KIF24: variants seen among roughly 807,000 people sequenced by gnomAD.
KIF24 encodes the protein kinesin family member 24, also known as kinesin-like protein KIF24.
KIF24 carries 81 observed loss-of-function variants against 118.9 expected under a neutral mutation model. The ratio of observed to expected loss-of-function variants is 0.68; its 90% CI spans 0.57 to 0.82. The LOEUF (loss-of-function observed/expected upper bound fraction) is 0.82, where lower values mean the gene tolerates loss of function less well. Ranked by LOEUF, KIF24 falls within the 40% of genes least tolerant of loss-of-function variation. The probability of loss-of-function intolerance (pLI) is 0.00; values close to 1 mark genes in which losing one functional copy is unlikely to be tolerated. For missense variants in KIF24, 1,560 were observed against 1,661.6 expected (o/e 0.94, Z 1.06); for synonymous variants, 599 against 610.0 (o/e 0.98, Z 0.27).
At chr9:34,321,672 T>A (rs1461528799) in intron 1 of KIF24, among the ~76,000 whole-genome samples, 6 of 140,516 alleles carry the variant, frequency 4.3e-5, no homozygotes, top group African/African-American at 1.5e-4. Flanking sequence ...AGTGGTGCAA[T>A]CACGGCTCAC....
At chr9:34,307,817 T>C (rs1005621054) in intron 2 of KIF24, among the ~76,000 whole-genome samples, 5 of 135,936 alleles carry the variant, frequency 3.7e-5, no homozygotes, top group Admixed American at 8.5e-5. Context: ...GGTGAGATAG[T>C]GCCATTGCAT....
chr9:34,290,043 G>T, intron 5 of KIF24, 131 bp downstream of exon 5: 1 of 578,730 alleles, frequency 1.7e-6, no homozygotes, highest in Non-Finnish European at 3.1e-6. Context: ...ATCTGATGCA[G>T]GAGCCTCATT....
chr9:34,311,128 G>A lies in KIF24; in HGVS notation c.219C>T (p.Ile73=), dbSNP rs1321580071. The A allele has an allele frequency of 1.2e-6, 2 of 1,613,728 alleles. No homozygotes were observed. The highest frequency in any genetic ancestry group is 1.7e-6 in the Non-Finnish European group (2 of 1,179,706). ...TGCTTGTCTGAAGATGACGCTCTGG[G>A]ATACTGACTGCTTTATCTTCTTCTT... ...IMQEEDKAVS[I]PERHLQTSSL... is the part of the protein sequence containing the mutation. The change falls in exon 2 of 13, where the codon ATC becomes ATT. Residue 73 remains isoleucine, a synonymous_variant. Coordinates refer to ENST00000402558, the MANE Select transcript of KIF24 (RefSeq NM_194313.4).
chr9:34,255,114 G>T lies in KIF24; in HGVS notation c.3924C>A (p.Leu1308=), dbSNP rs1419138095. ...HQEQLDEMAE[L]GFKEETLMSQ... is the part of the protein sequence containing the mutation. Reference sequence around the variant, plus strand: ...TCATCAGCGTCTCCTCCTTGAAGCCGAGCTCAGCCATTTCATCCAGCTGTT... The same window carrying T: ...TCATCAGCGTCTCCTCCTTGAAGCCTAGCTCAGCCATTTCATCCAGCTGTT... Residue 1308 remains leucine (L), a synonymous_variant, in exon 12 of 13, where the codon CTC becomes CTA. Coordinates refer to ENST00000402558, the MANE Select transcript of KIF24 (RefSeq NM_194313.4). The T allele has an allele frequency of 5.0e-6, 8 of 1,595,720 alleles. No homozygotes were observed. The highest frequency in any genetic ancestry group is 6.8e-6 in the Non-Finnish European group (8 of 1,170,980).
rs915292982 is a variant in KIF24, at chr9:34,280,958, C to T, written c.1215+5659G>A. ...TGAAGATTAAACAGTCCTTTAAACA[C>T]CTAGTTTTAGGCAAATGATAACAGA... On this transcript the variant is annotated intron_variant, in intron 6 of 12. Transcript: ENST00000402558. Among the ~76,000 whole-genome samples, 2 of 152,114 alleles carry T rather than the reference C, an allele frequency of 1.3e-5. 1 individual carries two copies. Among genetic ancestry groups the T allele is most frequent in the South Asian group, 4.1e-4 (2 of 4,830 alleles).
chr9:34,293,477 C>CAAAAA (rs35730248), intron 4 of KIF24, among the ~76,000 whole-genome samples: 1 of 122,032 alleles, frequency 8.2e-6, no homozygotes, highest in South Asian at 2.8e-4. Flanking sequence ...GACTCTATCT[C>CAAAAA]AAAAAAAAAA....
intron 3 of KIF24, among the ~76,000 whole-genome samples, chr9:34,302,039 G>A (rs1836732835): frequency 7.1e-6 from 1 of 140,450 alleles, no homozygotes; most frequent in African/African-American, 2.6e-5. Context: ...CTGTCGCCCA[G>A]GCTGGGGTGC....
chr9:34,324,788 A>G (rs1182682783), intron 1 of KIF24, among the ~76,000 whole-genome samples: 3 of 152,058 alleles, frequency 2.0e-5, no homozygotes, highest in Non-Finnish European at 4.4e-5. Context: ...TTCTCTGTGC[A>G]TTCATTCACA....
intron 1 of KIF24, chr9:34,319,544 C>T: frequency 8.7e-7 from 1 of 1,152,272 alleles, no homozygotes; most frequent in Non-Finnish European, 1.3e-6. Flanking sequence ...CCAAGCTGTT[C>T]TACTCCGACC....
At chr9:34,330,833 C>T (rs1324264717), upstream of KIF24, among the ~76,000 whole-genome samples, 1 of 151,954 alleles carries the variant, frequency 6.6e-6, no homozygotes, top group African/African-American at 2.4e-5. Flanking sequence ...TGGTGGCGGG[C>T]GCCTGTGGTC....
chr9:34,254,574 A>G lies in KIF24; in HGVS notation c.3967-54T>C, dbSNP rs373006317. The G allele has an allele frequency of 5.7e-6, 9 of 1,571,338 alleles. No individual in the cohort carries two copies. In the Admixed American group the frequency reaches 1.6e-4, roughly 28 times the overall value. On this transcript the variant is annotated intron_variant, in intron 12 of 12. Transcript: ENST00000402558. Reference sequence around the variant, plus strand: ...CTTTTGCTCTTGCTGGCGCTCTGCCAGATCTGCTTTTTCAGTCCCTCCTCT... The same window carrying G: ...CTTTTGCTCTTGCTGGCGCTCTGCCGGATCTGCTTTTTCAGTCCCTCCTCT...
At position 34,257,060 on chromosome 9, in the gene KIF24, C is replaced by T. The variant is rs558801968; in HGVS notation, c.2547G>A (p.Glu849=). The change falls in exon 11 of 13, where the codon GAG becomes GAA. Residue 849 remains glutamate (E), a synonymous_variant. Coordinates refer to ENST00000402558, the MANE Select transcript of KIF24 (RefSeq NM_194313.4). Reference sequence around the variant, plus strand: ...GCAGGAAGAATGAGTCTTCGCTATTCTCCAGGGTGTTCCTTTGCTTTGTGG... The same window carrying T: ...GCAGGAAGAATGAGTCTTCGCTATTTTCCAGGGTGTTCCTTTGCTTTGTGG... ...QRATKQRNTL[E]NSEDSFFLHQ... 3.1e-6 allele frequency: 5 copies of T among 1,614,056 alleles called. No individual in the cohort carries two copies. The highest frequency in any genetic ancestry group is 3.3e-5 in the Admixed American group (2 of 60,034).
intron 2 of KIF24, among the ~76,000 whole-genome samples, chr9:34,307,767 G>A (rs1836982122): frequency 6.7e-6 from 1 of 149,172 alleles, no homozygotes; most frequent in African/African-American, 2.5e-5. Flanking sequence ...ATAAAACTTA[G>A]CTGGGCATGC....
rs145921325 is a variant in KIF24, at chr9:34,261,286, G to A, written c.1516-1581C>T. Reference sequence around the variant, plus strand: ...TTCCACTGTGCACAGGACACAAGGCGAAAAAGAACCCAGGACACCCACAAC... The same window carrying A: ...TTCCACTGTGCACAGGACACAAGGCAAAAAAGAACCCAGGACACCCACAAC... On this transcript the variant is annotated intron_variant, in intron 9 of 12. Transcript: ENST00000402558. Among the ~76,000 whole-genome samples the A allele has an allele frequency of 4.6e-5, 7 of 152,212 alleles. No homozygotes were observed. In the East Asian group the frequency reaches 7.7e-4, roughly 17 times the overall value.
At position 34,255,055 on chromosome 9, in the gene KIF24, C is replaced by T; in HGVS notation, c.3966+17G>A. 2.0e-6 allele frequency: 3 copies of T among 1,534,822 alleles called. No individual in the cohort carries two copies. Among genetic ancestry groups the T allele is most frequent in the South Asian group, 1.2e-5 (1 of 84,588 alleles). ...TAATTCCCAACAGCCTGTGAGTGTCCAGCCAGGGCTACTTACATTAGAAGC... is the reference window on the plus strand; with the variant it reads ...TAATTCCCAACAGCCTGTGAGTGTCTAGCCAGGGCTACTTACATTAGAAGC... On this transcript the variant is annotated intron_variant, in intron 12 of 12. Coordinates refer to ENST00000402558, the MANE Select transcript of KIF24 (RefSeq NM_194313.4).
intron 4 of KIF24, among the ~76,000 whole-genome samples, chr9:34,292,627 G>C (rs981300633): frequency 2.6e-5 from 4 of 152,180 alleles, no homozygotes; most frequent in Non-Finnish European, 5.9e-5. Context: ...AACAAAGAAA[G>C]AGTAAAATGA....
chr9:34,308,679 T>G (rs1837023665), intron 2 of KIF24, among the ~76,000 whole-genome samples: 2 of 152,170 alleles, frequency 1.3e-5, no homozygotes, highest in African/African-American at 4.8e-5. Context: ...GGATAGAAAA[T>G]GTTTGGTCCT....
Position 34,298,433 on chromosome 9 carries a change from C to T in KIF24, c.814-1319G>A, listed in dbSNP as rs188899280. On this transcript the variant is annotated intron_variant, in intron 3 of 12. Transcript: ENST00000402558. ...TGGTGGTGGGCGCCTGTAATCCCAGCTACTTGGGAGGCTAAGGCAGGAAAA... is the reference window on the plus strand; with the variant it reads ...TGGTGGTGGGCGCCTGTAATCCCAGTTACTTGGGAGGCTAAGGCAGGAAAA... Among the ~76,000 whole-genome samples, 755 of 151,822 alleles carry T rather than the reference C, an allele frequency of 5.0e-3. 3 individuals carry two copies. The highest frequency in any genetic ancestry group is 8.3e-3 in the Admixed American group (126 of 15,218).
At chr9:34,298,059 T>C (rs1371716427) in intron 3 of KIF24, among the ~76,000 whole-genome samples, 1 of 151,882 alleles carries the variant, frequency 6.6e-6, no homozygotes. Context: ...AAGACTATAC[T>C]GAGAATGGAC....
Sources: allele counts gnomAD v4.1 joint callset (sites outside exome capture counted in the v4.1 genomes callset), GRCh38; gene constraint gnomAD v4.1.1; transcripts MANE v1.5; gene names NCBI Gene and HGNC (gene_info 2026-07-23, HGNC 2026-07-21).